The following GTF2IRD1 variants were observed in gnomAD, a reference collection of about 807,000 sequenced individuals.
The protein encoded by GTF2IRD1 is general transcription factor II-I repeat domain-containing protein 1.
In GTF2IRD1, 26 loss-of-function variants were observed where a neutral mutation model predicts 113.2. The observed-to-expected ratio is 0.23, with a 90% CI of 0.17 to 0.32. The LOEUF is 0.32. Among genes scored for constraint, GTF2IRD1 ranks in the 10% least tolerant of loss-of-function variants. The pLI is 1.00. For synonymous variants in GTF2IRD1, 484 were observed against 529.1 expected, an observed-to-expected ratio of 0.91 and a Z score of 1.17; for missense variants, 864 against 1,280.8, an observed-to-expected ratio of 0.67 and a Z score of 4.97.
intron 22 of GTF2IRD1, among the ~76,000 whole-genome samples, chr7:74,562,499 G>A (rs1472146870): frequency 6.6e-6 from 1 of 150,654 alleles, no homozygotes; most frequent in Non-Finnish European, 1.5e-5. Context: ...TCTGAATATG[G>A]GAAAAGATGG....
At chr7:74,558,580 G>T (rs1351199514) in intron 20 of GTF2IRD1, among the ~76,000 whole-genome samples, 5 of 151,854 alleles carry the variant, frequency 3.3e-5, no homozygotes, top group African/African-American at 1.2e-4. Context: ...TGCCCAGGCT[G>T]ATCTCGAACT....
intron 1 of GTF2IRD1, among the ~76,000 whole-genome samples, chr7:74,503,801 T>G (rs1258397516): frequency 1.3e-5 from 2 of 152,204 alleles, no homozygotes; most frequent in Admixed American, 1.3e-4. Context: ...TGTGCAGGTT[T>G]GTTACAAAGG....
At chr7:74,478,937 T>TG (rs1220120883) in intron 1 of GTF2IRD1, among the ~76,000 whole-genome samples, 1 of 150,736 alleles carries the variant, frequency 6.6e-6, no homozygotes, top group East Asian at 1.9e-4. Flanking sequence ...ATTATAGAGA[T>TG]GGGGTCTCAC....
chr7:74,555,050 TGAAC>T lies in GTF2IRD1; in HGVS notation c.1917-123_1917-120del. On this transcript the variant is annotated intron_variant, in intron 17 of 26. Coordinates refer to ENST00000424337, the MANE Select transcript of GTF2IRD1 (RefSeq NM_005685.4). The surrounding 1 kb of genome is among the most constrained non-coding windows in gnomAD (Gnocchi z 5.3). ...TGTGGGGCGGCAGGGACTCCAGGCC[TGAAC>T]TATGCATAGCCAGAAGGGTCCATTG... 1.2e-6 allele frequency: 1 copy of T among 858,630 alleles called. No homozygotes were observed. The highest frequency in any genetic ancestry group is 1.8e-6 in the Non-Finnish European group (1 of 547,376). The allele number at this position is 858,630 out of a possible 1,614,324, so 53.2% of individuals were successfully genotyped here. A position where few individuals can be genotyped will look rare whatever the true frequency, so the allele number is the denominator to read the frequency against.
At position 74,464,346 on chromosome 7, in the gene GTF2IRD1, GCT is replaced by G. The variant is rs1793576031; in HGVS notation, c.-7+10174_-7+10175del. Reference sequence around the variant, plus strand: ...TTGGCAAATCCATGAGTTTCCCAGGGCTCTCGGCTTCCTAAGGAGATGGAGCT... The same window carrying G: ...TTGGCAAATCCATGAGTTTCCCAGGGCTCGGCTTCCTAAGGAGATGGAGCT... On this transcript the variant is annotated intron_variant, in intron 1 of 26. Transcript: ENST00000424337. Among the ~76,000 whole-genome samples the G allele has an allele frequency of 2.0e-5, 3 of 152,322 alleles. No individual in the cohort carries two copies. The South Asian group carries it at 6.2e-4, about 32-fold the overall frequency.
chr7:74,458,779 C>T (rs1225654133), intron 1 of GTF2IRD1, among the ~76,000 whole-genome samples: 8 of 151,890 alleles, frequency 5.3e-5, no homozygotes, highest in Non-Finnish European at 1.0e-4. Flanking sequence ...CTCAGCCTCC[C>T]GAGTAGCTGG....
At chr7:74,508,745 G>A (rs192769824) in intron 2 of GTF2IRD1, among the ~76,000 whole-genome samples, 28 of 149,908 alleles carry the variant, frequency 1.9e-4, no homozygotes, top group African/African-American at 6.4e-4. Flanking sequence ...CTCCGCCCTC[G>A]TCCCCTTGTC....
intron 8 of GTF2IRD1, 93 bp downstream of exon 8, chr7:74,524,247 G>T: frequency 1.2e-6 from 1 of 822,416 alleles, no homozygotes; most frequent in Non-Finnish European, 2.0e-6. Context: ...ACACGGCAGC[G>T]GGAGCCATAT....
At chr7:74,575,812 T>C (rs1583932775) in intron 22 of GTF2IRD1, among the ~76,000 whole-genome samples, 1 of 152,116 alleles carries the variant, frequency 6.6e-6, no homozygotes, top group African/African-American at 2.4e-5. Context: ...TGGAAGCAAG[T>C]TGGGGCTCAG....
At chr7:74,567,157 G>A (rs1333059639) in intron 22 of GTF2IRD1, among the ~76,000 whole-genome samples, 2 of 151,864 alleles carry the variant, frequency 1.3e-5, no homozygotes, top group African/African-American at 2.4e-5. Context: ...GTGAAACCCC[G>A]TCTCTACTAA....
chr7:74,479,512 G>T (rs1794616539), intron 1 of GTF2IRD1, among the ~76,000 whole-genome samples: 1 of 152,060 alleles, frequency 6.6e-6, no homozygotes, highest in African/African-American at 2.4e-5. Context: ...TGGGTGCTGC[G>T]GTGGGGCAGG....
At chr7:74,465,170 A>T (rs1793632774) in intron 1 of GTF2IRD1, among the ~76,000 whole-genome samples, 1 of 152,002 alleles carries the variant, frequency 6.6e-6, no homozygotes, top group African/African-American at 2.4e-5. Context: ...GGAGGTGGTT[A>T]CCTCTGCTCC....
chr7:74,544,613 C>T (rs1197373591), intron 14 of GTF2IRD1, 142 bp from the exon 15 acceptor site: 1 of 702,362 alleles, frequency 1.4e-6, no homozygotes, highest in Non-Finnish European at 2.5e-6. Context: ...AATCGGGGTC[C>T]CTGATCCCAT....
chr7:74,556,108 TG>T (rs1252839637), intron 19 of GTF2IRD1, among the ~76,000 whole-genome samples: 1 of 151,644 alleles, frequency 6.6e-6, no homozygotes, highest in African/African-American at 2.4e-5. Flanking sequence ...AAGAATTAGT[TG>T]GGCGAGGTGG....
At chr7:74,479,833 A>G (rs1257553559) in intron 1 of GTF2IRD1, among the ~76,000 whole-genome samples, 2 of 149,288 alleles carry the variant, frequency 1.3e-5, no homozygotes, top group Non-Finnish European at 3.0e-5. Flanking sequence ...GCTCATTGCA[A>G]CGTCCCCATC....
intron 12 of GTF2IRD1, 56 bp from the exon 13 acceptor site, chr7:74,538,622 ACT>A (rs1798443684): frequency 1.0e-6 from 1 of 971,418 alleles, no homozygotes; most frequent in East Asian, 2.4e-5. Context: ...GGAAAGAGTC[ACT>A]CTGCCCAGTC....
rs1339285770 is a variant in GTF2IRD1, at chr7:74,555,917, T to A, written c.2023+423T>A. ...TGAGGCTGGGAGCTCGAGACAAGCCTGGACAACATAGAACCCGTCTCTATG... is the reference window on the plus strand; with the variant it reads ...TGAGGCTGGGAGCTCGAGACAAGCCAGGACAACATAGAACCCGTCTCTATG... On this transcript the variant is annotated intron_variant, in intron 19 of 26. Coordinates refer to ENST00000424337, the MANE Select transcript of GTF2IRD1 (RefSeq NM_005685.4). This position sits in a 1 kb window ranked among gnomAD's most constrained non-coding sequence, Gnocchi z 5.3. Among the ~76,000 whole-genome samples, 6 of 152,112 alleles carry A rather than the reference T, an allele frequency of 3.9e-5. No individual in the cohort carries two copies. The highest frequency in any genetic ancestry group is 8.8e-5 in the Non-Finnish European group (6 of 68,016).
chr7:74,561,941 T>C (rs1225423739), intron 22 of GTF2IRD1, among the ~76,000 whole-genome samples: 3 of 151,868 alleles, frequency 2.0e-5, no homozygotes, highest in African/African-American at 7.3e-5. Context: ...GGCTAGCAGG[T>C]GGTCGTGGCC....
At position 74,477,837 on chromosome 7, in the gene GTF2IRD1, C is replaced by T. The variant is rs181429476; in HGVS notation, c.-7+23661C>T. ...CACCCACGAGTAATGGGCTTTTTTC[C>T]GTCCAGCCTTTTCCCGACAAGAAAA... is the stretch of plus-strand genomic sequence containing the variant. On this transcript the variant is annotated intron_variant, in intron 1 of 26. Transcript: ENST00000424337. Among the ~76,000 whole-genome samples, 53 of 152,224 alleles carry T rather than the reference C, an allele frequency of 3.5e-4. No individual in the cohort carries two copies. In the East Asian group the frequency reaches 6.4e-3, roughly 18 times the overall value.
Sources: allele counts gnomAD v4.1 joint callset (sites outside exome capture counted in the v4.1 genomes callset), GRCh38; gene constraint gnomAD v4.1.1; non-coding constraint Gnocchi (gnomAD v3.1); transcripts MANE v1.5; gene names NCBI Gene and HGNC (gene_info 2026-07-23, HGNC 2026-07-21).